Variants in DIP2A observed in about 807,000 individuals in gnomAD.
DIP2A encodes DIP2 acetate--CoA ligase A.
Under a neutral mutation model 177.4 loss-of-function variants are expected in DIP2A, and 85 were observed. The observed-to-expected ratio is 0.48, with a 90% CI of 0.40 to 0.57. The LOEUF is 0.57. Ranked by LOEUF, DIP2A falls within the 20% of genes least tolerant of loss-of-function variation. DIP2A has a pLI of 0.00. For synonymous variants in DIP2A, 886 were observed against 881.8 expected, an observed-to-expected ratio of 1.00 and a Z score of -0.08; for missense variants, 1,791 against 2,100.2, an observed-to-expected ratio of 0.85 and a Z score of 2.88.
At position 46,510,219 on chromosome 21, in the gene DIP2A, A is replaced by G. The variant is rs149438027; in HGVS notation, c.904+843A>G. ...TAGGGCAGGAAGCATCCAGCACAGG[A>G]GAAAGGTGTAGGCTGGGAGGCTAGG... On this transcript the variant is annotated intron_variant, in intron 7 of 37. Coordinates refer to ENST00000417564, the MANE Select transcript of DIP2A (RefSeq NM_015151.4). Among the ~76,000 whole-genome samples, 910 of 152,306 alleles carry G rather than the reference A, an allele frequency of 6.0e-3. 8 individuals carry two copies. Among genetic ancestry groups the G allele is most frequent in the Middle Eastern group, 0.02 (6 of 294 alleles).
In DIP2A at chr21:46,557,471, C is replaced by G; in HGVS notation, c.3630-114C>G. The G allele has an allele frequency of 7.6e-7, 1 of 1,313,676 alleles. No individual in the cohort carries two copies. The highest frequency in any genetic ancestry group is 1.0e-6 in the Non-Finnish European group (1 of 975,730). The allele number at this position is 1,313,676 out of a possible 1,614,324, so 81.4% of individuals were successfully genotyped here. On this transcript the variant is annotated intron_variant, in intron 30 of 37. Coordinates refer to ENST00000417564, the MANE Select transcript of DIP2A (RefSeq NM_015151.4). The surrounding 1 kb of genome is among the most constrained non-coding windows in gnomAD (Gnocchi z 6.0). The stretch of plus-strand genomic sequence containing the variant: ...CAAACCCCCCCACTTGGCGTCAGAA[C>G]AGAAATCATGCCCCTGTTGTGGCTG...
At chr21:46,583,426 CA>C in the DIP2A span, among the ~76,000 whole-genome samples, 2 of 152,170 alleles carry the variant, frequency 1.3e-5, no homozygotes, top group East Asian at 3.8e-4. Flanking sequence ...GCACATAGAA[CA>C]TTCTCTAGAA....
chr21:46,464,989 T>C (rs1416683375), intron 1 of DIP2A, among the ~76,000 whole-genome samples: 1 of 152,104 alleles, frequency 6.6e-6, no homozygotes, highest in Admixed American at 6.6e-5. Context: ...GAACCAATAT[T>C]TGTTGTTTCA....
At chr21:46,524,822 A>G (rs2058992185) in intron 8 of DIP2A, among the ~76,000 whole-genome samples, 1 of 150,258 alleles carries the variant, frequency 6.7e-6, no homozygotes, top group African/African-American at 2.5e-5. Flanking sequence ...AGCTTAGTGA[A>G]CAGAAGTTCT....
rs184656650 is a variant in DIP2A, at chr21:46,505,760, G to A, written c.784+1271G>A. On this transcript the variant is annotated intron_variant, in intron 6 of 37. Coordinates refer to ENST00000417564, the MANE Select transcript of DIP2A (RefSeq NM_015151.4). ...TCCCCATACACTTCAGGCAGCCACCGATTTACTTTCTGTCACTATAGATTA... is the reference window on the plus strand; with the variant it reads ...TCCCCATACACTTCAGGCAGCCACCAATTTACTTTCTGTCACTATAGATTA... 1.7e-3 allele frequency among the ~76,000 whole-genome samples: 256 copies of A among 152,230 alleles called. 2 individuals carry two copies. Among genetic ancestry groups the A allele is most frequent in the African/African-American group, 5.7e-3 (237 of 41,524 alleles).
At chr21:46,525,617 C>T (rs1365177770) in intron 8 of DIP2A, 3 of 144,722 alleles carry the variant, frequency 2.1e-5, no homozygotes, top group Admixed American at 6.9e-5. Flanking sequence ...AAGTATCTTA[C>T]ATGCTCACTT....
rs191878962 is a variant in DIP2A, at chr21:46,520,225, A to G, written c.1102+8611A>G. 2.2e-4 allele frequency among the ~76,000 whole-genome samples: 34 copies of G among 152,182 alleles called. No homozygotes were observed. The East Asian group carries it at 4.8e-3, about 22-fold the overall frequency. On this transcript the variant is annotated intron_variant, in intron 8 of 37. Transcript: ENST00000417564. Reference sequence around the variant, plus strand: ...TCTCTTGTTTCTCTCTACTTTACTCAATTGTTAAAAGCTGTAAATAGCTCA... The same window carrying G: ...TCTCTTGTTTCTCTCTACTTTACTCGATTGTTAAAAGCTGTAAATAGCTCA...
At position 46,460,185 on chromosome 21, in the gene DIP2A, A is replaced by AT. The variant is rs368206623; in HGVS notation, c.91+969dup. On this transcript the variant is annotated intron_variant, in intron 1 of 37. Transcript: ENST00000417564. ...TAGGAGTTGTTAGCCCCCTCATGGA[A>AT]TTTTTTAAAGTAAAAAAAAAAAGTC... Among the ~76,000 whole-genome samples the AT allele has an allele frequency of 4.1e-3, 627 of 152,226 alleles. 4 individuals are homozygous for AT. The highest frequency in any genetic ancestry group is 0.015 in the African/African-American group (609 of 41,510).
At position 46,554,372 on chromosome 21, in the gene DIP2A, C is replaced by G. The variant is rs918861554; in HGVS notation, c.3154+80C>G. On this transcript the variant is annotated intron_variant, in intron 26 of 37. Transcript: ENST00000417564. Reference sequence around the variant, plus strand: ...CTAAGCAGCCCCCTAGACACTCCCTCCCCGAAGCATCTTCCAAAACTAAGC... The same window carrying G: ...CTAAGCAGCCCCCTAGACACTCCCTGCCCGAAGCATCTTCCAAAACTAAGC... 3 of 1,573,682 alleles carry G rather than the reference C, an allele frequency of 1.9e-6. No individual in the cohort carries two copies. The Admixed American group carries it at 5.3e-5, about 28-fold the overall frequency.
chr21:46,555,827 G>T, intron 28 of DIP2A, 155 bp from the exon 29 acceptor site: 1 of 677,596 alleles, frequency 1.5e-6, no homozygotes, highest in East Asian at 2.7e-5. Flanking sequence ...TCCTGAGCAC[G>T]CACAGCCTGC....
chr21:46,562,346 A>C (rs1415265730), intron 34 of DIP2A, among the ~76,000 whole-genome samples: 1 of 152,222 alleles, frequency 6.6e-6, no homozygotes, highest in Non-Finnish European at 1.5e-5. Flanking sequence ...GGAAGGGTTC[A>C]AAGGAAGGAG....
chr21:46,490,509 G>T, intron 2 of DIP2A, 91 bp from the exon 3 acceptor site: 1 of 1,417,914 alleles, frequency 7.1e-7, no homozygotes, highest in Non-Finnish European at 9.5e-7. Flanking sequence ...GTATGCAACA[G>T]ATGAGAAATG....
At chr21:46,467,063 G>A (rs769466186) in intron 1 of DIP2A, among the ~76,000 whole-genome samples, 10 of 151,972 alleles carry the variant, frequency 6.6e-5, no homozygotes, top group Non-Finnish European at 1.2e-4. Flanking sequence ...TTGGGAAGTC[G>A]AGGCGGGCGG....
chr21:46,544,430 C>T (rs2148831126), intron 18 of DIP2A, among the ~76,000 whole-genome samples: 1 of 152,246 alleles, frequency 6.6e-6, no homozygotes, highest in African/African-American at 2.4e-5. Flanking sequence ...GGCTGCAAGA[C>T]AGGTAGATCT....
In DIP2A at chr21:46,539,746, CCCTT is replaced by C. The variant is rs763353993; in HGVS notation, c.1922-125_1922-122del. 215 of 767,374 alleles carry C rather than the reference CCCTT, an allele frequency of 2.8e-4. 1 individual carries two copies. In the South Asian group the frequency reaches 2.9e-3, roughly 10 times the overall value. The allele number at this position is 767,374 out of a possible 1,614,324, so 47.5% of individuals were successfully genotyped here. A position where few individuals can be genotyped will look rare whatever the true frequency, so the allele number is the denominator to read the frequency against. On this transcript the variant is annotated intron_variant, in intron 16 of 37. Coordinates refer to ENST00000417564, the MANE Select transcript of DIP2A (RefSeq NM_015151.4). ...AGTCTGAGGGTACCTGTGAAGGGGC[CCCTT>C]CCTTCTGCTGATGCAGCCCTGTGGT...
intron 22 of DIP2A, chr21:46,550,090 A>G (rs1029705104): frequency 1.5e-6 from 2 of 1,312,414 alleles, no homozygotes; most frequent in African/African-American, 1.5e-5. Context: ...TGAATACAAT[A>G]TAGAATAATT....
intron 5 of DIP2A, among the ~76,000 whole-genome samples, chr21:46,503,628 C>CTT (rs200659741): frequency 6.9e-4 from 86 of 123,782 alleles, no homozygotes; most frequent in Middle Eastern, 3.9e-3. Context: ...TTCTTTCTTT[C>CTT]TTTCTTTCCT....
At chr21:46,514,307 G>C (rs1407740541) in intron 8 of DIP2A, among the ~76,000 whole-genome samples, 1 of 151,814 alleles carries the variant, frequency 6.6e-6, no homozygotes, top group Admixed American at 6.6e-5. Flanking sequence ...GTGGTGGTGG[G>C]CGCCTGTAGT....
chr21:46,554,836 A>G lies in DIP2A; in HGVS notation c.3291A>G (p.Ala1097=), dbSNP rs373251604. 3.4e-6 allele frequency: 5 copies of G among 1,480,594 alleles called. No homozygotes were observed. The highest frequency in any genetic ancestry group is 2.4e-5 in the South Asian group (2 of 82,658). 91.7% of individuals were successfully genotyped at this position (1,480,594 alleles called of 1,614,324 possible). Residue 1097 remains alanine, a synonymous_variant, in exon 28 of 38, where the codon GCA becomes GCG. Transcript: ENST00000417564. ...TCGCCATGCAGGTCAGCAAGTCTGC[A>G]TGCGTCCTCACCACGCAGGCTGTCA... ...VKMIVEVSKS[A]CVLTTQAVTR...
Sources: gnomAD v4.1 joint callset for allele counts (sites outside exome capture counted in the v4.1 genomes callset) on GRCh38, gnomAD v4.1.1 for gene constraint, Gnocchi (gnomAD v3.1) non-coding constraint, MANE v1.5 for transcripts, NCBI Gene and HGNC (gene_info 2026-07-23, HGNC 2026-07-21) for gene names.